Variants in MGA observed in about 807,000 individuals in gnomAD.
The protein encoded by MGA is MAX dimerization protein MGA, also known as MAX gene-associated protein.
MGA carries 40 observed loss-of-function variants against 261.1 expected under a neutral mutation model. That is an observed-to-expected ratio of 0.15 (90% CI 0.12 to 0.20). The LOEUF (loss-of-function observed/expected upper bound fraction) is 0.20. MGA is among the 10% of genes least tolerant of loss of function. The probability of loss-of-function intolerance (pLI) is 1.00; values close to 1 mark genes in which losing one functional copy is unlikely to be tolerated. For synonymous variants in MGA, 1,302 were observed against 1,290.6 expected, an observed-to-expected ratio of 1.01 and a Z score of -0.19; for missense variants, 3,397 against 3,630.5, an observed-to-expected ratio of 0.94 and a Z score of 1.65.
At chr15:41,698,744 C>T (rs1052527234) in intron 3 of MGA, 119 bp from the exon 4 acceptor site, 81 of 691,258 alleles carry the variant, frequency 1.2e-4, no homozygotes, top group African/African-American at 1.0e-3. Context: ...CCAATGTTAG[C>T]GTAACTGTAG....
chr15:41,750,110 A>T lies in MGA; in HGVS notation c.6503A>T (p.Glu2168Val). ...GAGAAGGAATGTGGAGACTCTCTGG[A>T]GAAAGACAGGGAAAGATGGAGAAAA... Residue 2168 changes from glutamate to valine, a missense_variant, in exon 17 of 24, where the codon GAG becomes GTG. Physicochemically the swap from Glu to Val is moderately radical, Grantham distance 121 (BLOSUM62 -2). Coordinates refer to ENST00000219905, the MANE Select transcript of MGA (RefSeq NM_001164273.2). 6.2e-7 allele frequency: 1 copy of T among 1,613,508 alleles called. No individual in the cohort carries two copies.
chr15:41,662,438 G>A (rs940507837), intron 1 of MGA, among the ~76,000 whole-genome samples: 8 of 152,294 alleles, frequency 5.3e-5, no homozygotes, highest in South Asian at 4.1e-4. Flanking sequence ...GCAATTCTGT[G>A]CCTTAAAACC....
intron 1 of MGA, among the ~76,000 whole-genome samples, chr15:41,651,680 CCTT>C (rs2057054084): frequency 2.0e-5 from 1 of 50,732 alleles, no homozygotes; most frequent in Non-Finnish European, 4.2e-5. Flanking sequence ...CCCCATTCCC[CCTT>C]TCCCCTCTCT....
rs749070558 is a variant in MGA at position 41,669,935 on chromosome 15, A to G, written c.1041A>G (p.Gln347=). The G allele has an allele frequency of 7.4e-6, 12 of 1,612,894 alleles. No individual in the cohort carries two copies. Among genetic ancestry groups the G allele is most frequent in the African/African-American group, 4.0e-5 (3 of 74,874 alleles). Residue 347 remains glutamine (Q), a synonymous_variant, in exon 2 of 24, where the codon CAA becomes CAG. Coordinates refer to ENST00000219905, the MANE Select transcript of MGA (RefSeq NM_001164273.2). ...ATTCAGCACTTAGTGAAGTTCCTCAATTGAAGCAAGAGATTTCTGAATGGT... is the reference window on the plus strand; with the variant it reads ...ATTCAGCACTTAGTGAAGTTCCTCAGTTGAAGCAAGAGATTTCTGAATGGT...
intron 2 of MGA, among the ~76,000 whole-genome samples, chr15:41,682,679 C>A (rs75660367): frequency 6.6e-6 from 1 of 151,854 alleles, no homozygotes. Context: ...TGGGGTTTCA[C>A]CATTTTGGCC....
intron 1 of MGA, among the ~76,000 whole-genome samples, chr15:41,668,522 T>G: frequency 6.6e-6 from 1 of 152,080 alleles, no homozygotes; most frequent in East Asian, 1.9e-4. Context: ...TTTGTATACT[T>G]TTTTAATAAT....
At chr15:41,631,866 G>C (rs886087249) in intron 1 of MGA, among the ~76,000 whole-genome samples, 1 of 152,048 alleles carries the variant, frequency 6.6e-6, no homozygotes, top group Admixed American at 6.6e-5. Context: ...CACTGTTAGC[G>C]TGTTGATATG....
At chr15:41,739,953 G>C (rs745753216) in intron 13 of MGA, 42 of 1,612,630 alleles carry the variant, frequency 2.6e-5, no homozygotes, top group Non-Finnish European at 3.5e-5. Context: ...TGGGACAGAT[G>C]GGGGCATTGC....
rs1274154364 is a variant in MGA, at chr15:41,736,426, C to T, written c.4162C>T (p.Pro1388Ser). Residue 1388 changes from proline to serine, a missense_variant, in exon 13 of 24, where the codon CCT (proline) becomes TCT (serine). Physicochemically the swap from Pro to Ser is moderately conservative, Grantham distance 74. Transcript: ENST00000219905. The stretch of plus-strand genomic sequence containing the variant: ...GCGAAAGAGCCGGGGTGAGAAGAAC[C>T]CTCCTGTTTATTCTTCTCGTGTGAA... 6.2e-7 allele frequency: 1 copy of T among 1,613,966 alleles called. No homozygotes were observed. The highest frequency in any genetic ancestry group is 1.7e-5 in the Admixed American group (1 of 60,022).
At chr15:41,719,174 G>A (rs1393647113) in intron 9 of MGA, among the ~76,000 whole-genome samples, 1 of 152,036 alleles carries the variant, frequency 6.6e-6, no homozygotes, top group African/African-American at 2.4e-5. Context: ...GACACTTAAG[G>A]ATAACTTTGA....
At chr15:41,685,437 G>C (rs927070663) in intron 2 of MGA, among the ~76,000 whole-genome samples, 1 of 151,982 alleles carries the variant, frequency 6.6e-6, no homozygotes, top group African/African-American at 2.4e-5. Flanking sequence ...GGTTGTCCTG[G>C]GTTCTTTGTA....
At chr15:41,643,630 T>A (rs1377769960) in intron 1 of MGA, among the ~76,000 whole-genome samples, 3 of 152,122 alleles carry the variant, frequency 2.0e-5, no homozygotes, top group Non-Finnish European at 4.4e-5. Flanking sequence ...AGATATATGG[T>A]TTGCAAATAT....
At chr15:41,649,598 G>T (rs16952372) in intron 1 of MGA, among the ~76,000 whole-genome samples, 2 of 151,998 alleles carry the variant, frequency 1.3e-5, no homozygotes, top group East Asian at 1.9e-4. Context: ...GGAAGGGAGA[G>T]GAGGATATGT....
upstream of MGA, among the ~76,000 whole-genome samples, chr15:41,656,377 T>TCTCTCTCTCTCTCTCTCA (rs1555403733): frequency 7.2e-3 from 488 of 67,964 alleles, 16 homozygotes; most frequent in East Asian, 0.05. Context: ...TCTCTCTCTC[T>TCTCTCTCTCTCTCTCTCA]CACACCCAGG....
chr15:41,625,385 A>AG (rs201666043), intron 1 of MGA, among the ~76,000 whole-genome samples: 5 of 151,854 alleles, frequency 3.3e-5, no homozygotes, highest in Admixed American at 6.6e-5. Flanking sequence ...GCAAATTGTG[A>AG]GAAAAAAAAA....
At chr15:41,656,345 T>TCTCTCTCTC (rs1566936477), upstream of MGA, among the ~76,000 whole-genome samples, 2 of 13,944 alleles carry the variant, frequency 1.4e-4, no homozygotes, top group African/African-American at 2.4e-4. Flanking sequence ...TCTCCTCTCT[T>TCTCTCTCTC]CTCTCTCTCT....
In MGA at chr15:41,699,645, G is replaced by A. The variant is rs908735545; in HGVS notation, c.2188+486G>A. On this transcript the variant is annotated intron_variant, in intron 5 of 23. Coordinates refer to ENST00000219905, the MANE Select transcript of MGA (RefSeq NM_001164273.2). ...GCCTCCCAAGTAGCTGGGACCACAG[G>A]CGCCTGCCACCGCGCCTGGCTAATT... 3.3e-5 allele frequency among the ~76,000 whole-genome samples: 5 copies of A among 152,292 alleles called. No homozygotes were observed. In the East Asian group the frequency reaches 9.7e-4, roughly 29 times the overall value.
At chr15:41,634,813 G>A (rs958522704) in intron 1 of MGA, among the ~76,000 whole-genome samples, 2 of 152,064 alleles carry the variant, frequency 1.3e-5, no homozygotes, top group Non-Finnish European at 2.9e-5. Context: ...GAGGGAGGGA[G>A]GGTTATGGTC....
intron 2 of MGA, among the ~76,000 whole-genome samples, chr15:41,682,673 G>T (rs569894301): frequency 6.6e-6 from 1 of 151,706 alleles, no homozygotes; most frequent in Non-Finnish European, 1.5e-5. Flanking sequence ...TAGAGATGGG[G>T]TTTCACCATT....
Sources: gnomAD v4.1 joint callset for allele counts (sites outside exome capture counted in the v4.1 genomes callset) on GRCh38, gnomAD v4.1.1 for gene constraint, MANE v1.5 for transcripts, NCBI Gene and HGNC (gene_info 2026-07-23, HGNC 2026-07-21) for gene names.